HOPX: variants seen among roughly 807,000 people sequenced by gnomAD.
HOPX encodes the protein homeodomain-only protein.
HOPX carries 5 observed loss-of-function variants against 11.8 expected under a neutral mutation model. The ratio of observed to expected loss-of-function variants is 0.43; its 90% confidence interval spans 0.22 to 0.89. HOPX has a LOEUF of 0.89. Ranked by LOEUF, HOPX falls within the 40% of genes least tolerant of loss-of-function variation. HOPX has a pLI of 0.28. For missense variants in HOPX, 119 were observed against 120.0 expected (o/e 0.99, Z 0.04); for synonymous variants, 49 against 49.7 (o/e 0.99, Z 0.06).
intron 1 of HOPX, chr4:56,664,289 C>T (rs1033402440): frequency 6.6e-6 from 1 of 151,256 alleles, no homozygotes; most frequent in African/African-American, 2.4e-5. Context: ...TGCTACCATG[C>T]CTGGCTAATT....
At chr4:56,654,439 A>G (rs967799696) in intron 3 of HOPX, among the ~76,000 whole-genome samples, 6 of 152,188 alleles carry the variant, frequency 3.9e-5, no homozygotes, top group Admixed American at 3.9e-4. Flanking sequence ...AGTTGTCTCC[A>G]TGATCACTCC....
intron 1 of HOPX, among the ~76,000 whole-genome samples, chr4:56,669,251 T>C (rs910885916): frequency 6.6e-6 from 1 of 151,482 alleles, no homozygotes; most frequent in African/African-American, 2.4e-5. Context: ...CTGAACACTT[T>C]GTGCCTAGTT....
chr4:56,657,173 C>T (rs7663893), intron 2 of HOPX, among the ~76,000 whole-genome samples: 73,530 of 151,916 alleles, frequency 0.48, 18,514 homozygotes, highest in African/African-American at 0.61. Context: ...GCAGATGTAA[C>T]CCCATCCACC....
At chr4:56,658,075 C>A (rs1340128083) in intron 1 of HOPX, among the ~76,000 whole-genome samples, 176 bp from the exon 2 acceptor site, 1 of 152,180 alleles carries the variant, frequency 6.6e-6, no homozygotes, top group Non-Finnish European at 1.5e-5. Context: ...ACAGCTGCCT[C>A]TGATTTTACT....
At chr4:56,674,202 A>G (rs1560375209) in intron 1 of HOPX, among the ~76,000 whole-genome samples, 3 of 151,704 alleles carry the variant, frequency 2.0e-5, no homozygotes, top group Admixed American at 6.5e-5. Flanking sequence ...TGTCCCAGGA[A>G]GAGGGTAAGG....
chr4:56,666,956 T>G (rs7676930), intron 1 of HOPX, among the ~76,000 whole-genome samples: 1 of 152,222 alleles, frequency 6.6e-6, no homozygotes, highest in Admixed American at 6.5e-5. Flanking sequence ...CTGGTGAAAT[T>G]TAATAAGTTA....
Position 56,648,766 on chromosome 4 carries a change from C to A in HOPX, c.230G>T (p.Arg77Leu), listed in dbSNP as rs568635492. The A allele has an allele frequency of 6.2e-6, 10 of 1,610,120 alleles. No homozygotes were observed. The highest frequency in any genetic ancestry group is 6.8e-6 in the Non-Finnish European group (8 of 1,176,792). Residue 77 changes from arginine to leucine, a missense_variant, in exon 4 of 4, where the codon CGG becomes CTG. Transcript: ENST00000420433. ...KWFKQRLAKWRRSEGLPSECR... is the reference protein window; with the variant it reads ...KWFKQRLAKWLRSEGLPSECR... ...CTCTGAGGGCAGGCCTTCTGAGCGC[C>A]GCCACTTTGCCAGGCGCTGCTTAAA... is the stretch of plus-strand genomic sequence containing the variant.
At chr4:56,671,910 T>C (rs1718755465) in intron 1 of HOPX, among the ~76,000 whole-genome samples, 1 of 152,072 alleles carries the variant, frequency 6.6e-6, no homozygotes, top group African/African-American at 2.4e-5. Flanking sequence ...TCATCTACTA[T>C]TGAAGCTATT....
intron 2 of HOPX, 33 bp downstream of exon 2, chr4:56,657,742 A>G: frequency 1.1e-6 from 1 of 918,446 alleles, no homozygotes; most frequent in Non-Finnish European, 1.8e-6. Flanking sequence ...TTTGACACAC[A>G]ACTTCAGAGC....
At chr4:56,661,143 T>C (rs2109503578) in intron 1 of HOPX, among the ~76,000 whole-genome samples, 1 of 152,300 alleles carries the variant, frequency 6.6e-6, no homozygotes, top group East Asian at 1.9e-4. Context: ...ATCACATATG[T>C]ATGGATCCCT....
chr4:56,657,628 C>A (rs1458516507), intron 2 of HOPX, 147 bp downstream of exon 2: 3 of 671,910 alleles, frequency 4.5e-6, no homozygotes, highest in Non-Finnish European at 8.3e-6. Flanking sequence ...CTGTGCTTTC[C>A]CACCTAAAAA....
intron 3 of HOPX, among the ~76,000 whole-genome samples, chr4:56,652,682 G>A (rs1380268008): frequency 2.0e-5 from 3 of 152,108 alleles, no homozygotes; most frequent in Non-Finnish European, 4.4e-5. Flanking sequence ...TTAGCCAGAT[G>A]TGGTAGTATA....
Position 56,648,781 on chromosome 4 carries a change from C to T in HOPX, c.215G>A (p.Arg72His), listed in dbSNP as rs150574089. The change falls in exon 4 of 4, where the codon CGC becomes CAC. Residue 72 changes from arginine to histidine, a missense_variant. Transcript: ENST00000420433. ...EEETQKWFKQRLAKWRRSEGL... is the reference protein window; with the variant it reads ...EEETQKWFKQHLAKWRRSEGL... The stretch of plus-strand genomic sequence containing the variant: ...TTCTGAGCGCCGCCACTTTGCCAGG[C>T]GCTGCTTAAACCATTTCTGGAAGAG... The T allele has an allele frequency of 7.9e-5, 127 of 1,608,798 alleles. No individual in the cohort carries two copies. Among genetic ancestry groups the T allele is most frequent in the Middle Eastern group, 1.7e-4 (1 of 6,042 alleles).
chr4:56,656,433 G>T (rs1271252102), intron 2 of HOPX: 36 of 989,596 alleles, frequency 3.6e-5, no homozygotes, highest in Non-Finnish European at 4.3e-5. Context: ...GACCTCCCCT[G>T]GGGACAGACT....
intron 2 of HOPX, chr4:56,656,242 C>T: frequency 8.6e-7 from 1 of 1,162,720 alleles, no homozygotes; most frequent in Non-Finnish European, 1.1e-6. Flanking sequence ...GACGGCAGAG[C>T]CTAGCGTCCT....
At position 56,657,659 on chromosome 4, in the gene HOPX, A is replaced by C. The variant is rs1044153946; in HGVS notation, c.42+116T>G. ...AAAAATCATAGCACTGATTCCTGTC[A>C]CGGTGCTAGGCAGGAGAGGGTCATA... On this transcript the variant is annotated intron_variant, in intron 2 of 3. Coordinates refer to ENST00000420433, the MANE Select transcript of HOPX (RefSeq NM_032495.6). 16 of 708,060 alleles carry C rather than the reference A, an allele frequency of 2.3e-5. No homozygotes were observed. In the Admixed American group the frequency reaches 3.0e-4, roughly 13 times the overall value. 43.9% of individuals were successfully genotyped at this position (708,060 alleles called of 1,614,324 possible). A position where few individuals can be genotyped will look rare whatever the true frequency, so the allele number is the denominator to read the frequency against.
intron 2 of HOPX, among the ~76,000 whole-genome samples, chr4:56,657,010 G>A (rs1403541844): frequency 6.6e-6 from 1 of 152,112 alleles, no homozygotes; most frequent in African/African-American, 2.4e-5. Flanking sequence ...AGGAAAATGG[G>A]CCCATCACAA....
intron 1 of HOPX, among the ~76,000 whole-genome samples, chr4:56,667,426 C>A (rs762767317): frequency 9.9e-5 from 15 of 152,088 alleles, no homozygotes; most frequent in Non-Finnish European, 1.6e-4. Flanking sequence ...ATCTCTAGGA[C>A]AAACTGTTTT....
intron 1 of HOPX, among the ~76,000 whole-genome samples, chr4:56,678,200 T>C (rs1266004495): frequency 1.3e-5 from 2 of 151,416 alleles, no homozygotes; most frequent in African/African-American, 4.9e-5. Context: ...TGTTGCTGTG[T>C]TCCCTGAGCC....
Sources: allele counts gnomAD v4.1 joint callset (sites outside exome capture counted in the v4.1 genomes callset), GRCh38; gene constraint gnomAD v4.1.1; transcripts MANE v1.5; gene names NCBI Gene and HGNC (gene_info 2026-07-23, HGNC 2026-07-21).